Variants in TMEM132C observed in about 807,000 individuals in gnomAD.
TMEM132C encodes protein phosphatase 1, regulatory subunit 152.
A neutral mutation model predicts 61.4 loss-of-function variants in TMEM132C; 29 were observed. The ratio of observed to expected loss-of-function variants is 0.47; its 90% CI spans 0.35 to 0.64. TMEM132C has a LOEUF of 0.64. TMEM132C is among the 30% of genes least tolerant of loss of function. The pLI is 0.00. For missense variants in TMEM132C, 1,408 were observed against 1,476.9 expected (o/e 0.95, Z 0.76); for synonymous variants, 656 against 633.1 (o/e 1.04, Z -0.54).
At chr12:128,497,146 G>A (rs983749592) in intron 2 of TMEM132C, among the ~76,000 whole-genome samples, 197 of 152,296 alleles carry the variant, frequency 1.3e-3, no homozygotes, top group Non-Finnish European at 2.6e-3. Context: ...GCAGAACAGC[G>A]AATATTGCTG....
intron 3 of TMEM132C, among the ~76,000 whole-genome samples, chr12:128,598,677 T>C (rs1169542777): frequency 1.3e-5 from 2 of 152,050 alleles, no homozygotes; most frequent in African/African-American, 4.8e-5. Context: ...CTCTCACTTA[T>C]TGTTCAGCTT....
intron 1 of TMEM132C, among the ~76,000 whole-genome samples, chr12:128,350,344 T>A (rs190234935): frequency 6.6e-6 from 1 of 151,106 alleles, no homozygotes; most frequent in African/African-American, 2.4e-5. Context: ...GTGCTGGGAG[T>A]GAGAAGGGCT....
chr12:128,463,596 G>T (rs1295979144), intron 2 of TMEM132C, among the ~76,000 whole-genome samples: 7 of 152,076 alleles, frequency 4.6e-5, no homozygotes, highest in Admixed American at 4.6e-4. Flanking sequence ...TGAGATTACA[G>T]GTGTGACCCA....
chr12:128,645,885 G>A (rs1954192788), intron 4 of TMEM132C, among the ~76,000 whole-genome samples: 1 of 151,494 alleles, frequency 6.6e-6, no homozygotes, highest in African/African-American at 2.4e-5. Context: ...TGTGTTTACT[G>A]GAGTCTATCA....
At chr12:128,611,056 G>A (rs1248748508) in intron 3 of TMEM132C, among the ~76,000 whole-genome samples, 1 of 152,176 alleles carries the variant, frequency 6.6e-6, no homozygotes, top group Admixed American at 6.5e-5. Context: ...CTGGCATCAA[G>A]TTCTGTTCTA....
rs1278481212 is a variant in TMEM132C, at chr12:128,293,038, T to A, written c.85+25551T>A. ...ACAGTAGACCTTGATTTTCAAAAAATTTGAAAGCCGGACAGCAAGATAATA... is the reference window on the plus strand; with the variant it reads ...ACAGTAGACCTTGATTTTCAAAAAAATTGAAAGCCGGACAGCAAGATAATA... On this transcript the variant is annotated intron_variant, in intron 1 of 8. Coordinates refer to ENST00000435159, the MANE Select transcript of TMEM132C (RefSeq NM_001136103.3). 2.0e-5 allele frequency among the ~76,000 whole-genome samples: 3 copies of A among 152,202 alleles called. No individual in the cohort carries two copies. The East Asian group carries it at 5.8e-4, about 29-fold the overall frequency.
At chr12:128,317,191 A>AC (rs1872180665) in intron 1 of TMEM132C, among the ~76,000 whole-genome samples, 1 of 149,012 alleles carries the variant, frequency 6.7e-6, no homozygotes, top group South Asian at 2.1e-4. Context: ...TTCTGTACTC[A>AC]TTTTTTTTTT....
intron 1 of TMEM132C, among the ~76,000 whole-genome samples, chr12:128,410,372 T>C (rs200800011): frequency 6.6e-5 from 10 of 151,558 alleles, no homozygotes; most frequent in Non-Finnish European, 1.5e-4. Flanking sequence ...TGAATATATA[T>C]ACACACACAC....
At chr12:128,340,044 C>T (rs1019322654) in intron 1 of TMEM132C, among the ~76,000 whole-genome samples, 17 of 152,204 alleles carry the variant, frequency 1.1e-4, no homozygotes, top group African/African-American at 4.1e-4. Context: ...CAGGGGGCTT[C>T]TATGTCCCTT....
chr12:128,676,120 T>C (rs1218007051), intron 5 of TMEM132C, among the ~76,000 whole-genome samples: 1 of 152,212 alleles, frequency 6.6e-6, no homozygotes, highest in African/African-American at 2.4e-5. Flanking sequence ...CATATTTTTC[T>C]GCAGTACAAG....
intron 2 of TMEM132C, among the ~76,000 whole-genome samples, chr12:128,499,607 T>C (rs1486881589): frequency 6.6e-6 from 1 of 152,200 alleles, no homozygotes; most frequent in Admixed American, 6.5e-5. Context: ...AAGTTCATTT[T>C]TAAGCTCCCA....
intron 2 of TMEM132C, among the ~76,000 whole-genome samples, chr12:128,461,264 A>G (rs1348091323): frequency 6.6e-6 from 1 of 152,186 alleles, no homozygotes; most frequent in Non-Finnish European, 1.5e-5. Context: ...CAGACAAGGG[A>G]CATAGAACTG....
intron 2 of TMEM132C, among the ~76,000 whole-genome samples, chr12:128,484,014 C>G (rs961789334): frequency 2.0e-5 from 3 of 148,160 alleles, no homozygotes; most frequent in Admixed American, 6.7e-5. Flanking sequence ...TTCCTCCAGT[C>G]TCTTCCAACT....
rs1252755560 is a variant in TMEM132C at position 128,386,610 on chromosome 12, T to TAC, written c.86-28121_86-28120dup. Among the ~76,000 whole-genome samples the TAC allele has an allele frequency of 2.6e-5, 4 of 152,340 alleles. No individual in the cohort carries two copies. In the East Asian group the frequency reaches 7.7e-4, roughly 29 times the overall value. On this transcript the variant is annotated intron_variant, in intron 1 of 8. Coordinates refer to ENST00000435159, the MANE Select transcript of TMEM132C (RefSeq NM_001136103.3). ...TGCCACAGCAGGGATCTCGTGGCAG[T>TAC]ACCCACTCTGGGCTGGGATTGTTCT...
At position 128,568,242 on chromosome 12, in the gene TMEM132C, G is replaced by C. The variant is rs113027693; in HGVS notation, c.1121+24139G>C. On this transcript the variant is annotated intron_variant, in intron 3 of 8. Transcript: ENST00000435159. ...TACTTACAGACCAAACGCTTTTCAT[G>C]GTGCCCCTTAATGATGAAGACCTTC... Among the ~76,000 whole-genome samples, 850 of 152,260 alleles carry C rather than the reference G, an allele frequency of 5.6e-3. 18 individuals carry two copies. The highest frequency in any genetic ancestry group is 0.019 in the African/African-American group (801 of 41,544).
chr12:128,323,547 C>T (rs1872404556), intron 1 of TMEM132C, among the ~76,000 whole-genome samples: 1 of 152,184 alleles, frequency 6.6e-6, no homozygotes, highest in South Asian at 2.1e-4. Context: ...CGAATCTTTG[C>T]TGTGATAACA....
intron 2 of TMEM132C, among the ~76,000 whole-genome samples, chr12:128,497,288 T>C (rs1380909507): frequency 7.9e-5 from 12 of 152,230 alleles, no homozygotes; most frequent in Admixed American, 7.9e-4. Context: ...AGGGACCCAC[T>C]TGAGGAGGTA....
intron 1 of TMEM132C, among the ~76,000 whole-genome samples, chr12:128,374,574 T>C (rs2630222): frequency 0.93 from 141,626 of 152,028 alleles, 66,852 homozygotes; most frequent in East Asian, 1. Flanking sequence ...TTCCACTTGG[T>C]GTCTTTTGCA....
intron 1 of TMEM132C, among the ~76,000 whole-genome samples, chr12:128,400,639 C>T (rs903852822): frequency 1.3e-4 from 20 of 149,536 alleles, no homozygotes; most frequent in African/African-American, 3.4e-4. Context: ...GATGGAGTCT[C>T]GCTCTGTTGC....
Sources: allele counts gnomAD v4.1 joint callset (sites outside exome capture counted in the v4.1 genomes callset), GRCh38; gene constraint gnomAD v4.1.1; transcripts MANE v1.5; gene names NCBI Gene and HGNC (gene_info 2026-07-23, HGNC 2026-07-21).